ABCA12: variants seen among roughly 807,000 people sequenced by gnomAD.
ABCA12 encodes the protein ATP binding cassette subfamily A member 12.
ABCA12 carries 156 observed loss-of-function variants against 293.5 expected under a neutral mutation model. That is an observed-to-expected ratio of 0.53 (90% CI 0.47 to 0.61). The LOEUF is 0.61. Ranked by LOEUF, ABCA12 falls within the 20% of genes least tolerant of loss-of-function variation. The pLI is 0.00. For synonymous variants in ABCA12, 1,063 were observed against 1,108.0 expected (o/e 0.96, Z 0.81); for missense variants, 2,797 against 3,090.2 (o/e 0.91, Z 2.25).
rs768669024 is a variant in ABCA12, at chr2:214,980,482, CCTT to C, written c.4738_4740del (p.Lys1580del). 3 of 1,613,326 alleles carry C rather than the reference CCTT, an allele frequency of 1.9e-6. No homozygotes were observed. Among genetic ancestry groups the C allele is most frequent in the African/African-American group, 2.7e-5 (2 of 74,896 alleles). ...TGAGATATATTTTCTCCCATTCCTA[CCTT>C]CTTCTTGGTAAGCGTGAGGTGATAC... On this transcript the variant is annotated inframe_deletion and splice_region_variant, in exon 31 of 53. Coordinates refer to ENST00000272895, the MANE Select transcript of ABCA12 (RefSeq NM_173076.3).
chr2:215,136,767 T>C (rs1433455086), intron 1 of ABCA12, among the ~76,000 whole-genome samples: 1 of 152,134 alleles, frequency 6.6e-6, no homozygotes, highest in Non-Finnish European at 1.5e-5. Context: ...ATTAGCACAT[T>C]TGGTACTTCC....
chr2:215,032,803 C>T (rs771252226), intron 8 of ABCA12, among the ~76,000 whole-genome samples: 9 of 152,102 alleles, frequency 5.9e-5, no homozygotes, highest in Admixed American at 2.6e-4. Context: ...TTAACATTGG[C>T]CTAATCATTT....
At chr2:214,975,047 C>T (rs1455814154) in intron 34 of ABCA12, among the ~76,000 whole-genome samples, 183 bp from the exon 35 acceptor site, 1 of 152,174 alleles carries the variant, frequency 6.6e-6, no homozygotes, top group Non-Finnish European at 1.5e-5. Context: ...TCAATGCAAC[C>T]TCAGCCTCCC....
intron 1 of ABCA12, among the ~76,000 whole-genome samples, chr2:215,129,118 G>A (rs1353068730): frequency 6.6e-6 from 1 of 152,152 alleles, no homozygotes; most frequent in African/African-American, 2.4e-5. Flanking sequence ...TAGTACTGTG[G>A]GTTGTCTGCA....
intron 1 of ABCA12, among the ~76,000 whole-genome samples, chr2:215,117,004 A>T (rs538653142): frequency 1.7e-4 from 26 of 152,316 alleles, no homozygotes; most frequent in African/African-American, 5.1e-4. Flanking sequence ...CAACTGGTGA[A>T]CCTTGAGTCT....
At chr2:214,993,258 A>T (rs1273074718) in intron 23 of ABCA12, among the ~76,000 whole-genome samples, 2 of 152,186 alleles carry the variant, frequency 1.3e-5, no homozygotes, top group Non-Finnish European at 2.9e-5. Flanking sequence ...CACCATTTGT[A>T]GTAAAGACTC....
intron 2 of ABCA12, among the ~76,000 whole-genome samples, chr2:215,090,950 C>A (rs1394157985): frequency 6.6e-6 from 1 of 152,158 alleles, no homozygotes. Context: ...GGCCCCAATA[C>A]AAACTCGACA....
At chr2:215,060,416 ATT>A (rs2106068865) in intron 3 of ABCA12, among the ~76,000 whole-genome samples, 1 of 151,990 alleles carries the variant, frequency 6.6e-6, no homozygotes, top group East Asian at 1.9e-4. Flanking sequence ...AATTTTAACC[ATT>A]CTTTTTTCAC....
chr2:215,019,213 A>G lies in ABCA12; in HGVS notation c.1657+123T>C, dbSNP rs1318302487. ...CATATTTGAATGCTTCAGGTTTCTC[A>G]TGTGTAAGGGCAGATAGCAAAGCGA... On this transcript the variant is annotated intron_variant, in intron 13 of 52. Transcript: ENST00000272895. The G allele has an allele frequency of 8.9e-6, 7 of 790,346 alleles. No homozygotes were observed. The Admixed American group carries it at 1.2e-4, about 14-fold the overall frequency. The allele number at this position is 790,346 out of a possible 1,614,324, so 49.0% of individuals were successfully genotyped here. A position where few individuals can be genotyped will look rare whatever the true frequency, so the allele number is the denominator to read the frequency against.
chr2:214,972,787 A>G (rs1161823316), intron 36 of ABCA12, among the ~76,000 whole-genome samples: 1 of 152,122 alleles, frequency 6.6e-6, no homozygotes, highest in Admixed American at 6.6e-5. Flanking sequence ...AAAGAAATAC[A>G]TAAAGAACTT....
intron 2 of ABCA12, among the ~76,000 whole-genome samples, chr2:215,085,214 A>C (rs1471995993): frequency 1.3e-5 from 2 of 152,144 alleles, no homozygotes; most frequent in Non-Finnish European, 2.9e-5. Context: ...CCCAATTCTC[A>C]GTAACAATGA....
At chr2:215,131,736 T>C (rs1430899467) in intron 1 of ABCA12, among the ~76,000 whole-genome samples, 2 of 150,108 alleles carry the variant, frequency 1.3e-5, no homozygotes, top group African/African-American at 2.4e-5. Flanking sequence ...CTGAATCTCC[T>C]TTATTTTTGC....
At chr2:215,072,091 C>T (rs553772021) in intron 2 of ABCA12, among the ~76,000 whole-genome samples, 22 of 152,242 alleles carry the variant, frequency 1.4e-4, no homozygotes, top group Admixed American at 1.2e-3. Flanking sequence ...ATGCCTAATC[C>T]TGAAAGCAGT....
At chr2:215,124,019 G>C (rs747274318) in intron 1 of ABCA12, among the ~76,000 whole-genome samples, 2 of 152,132 alleles carry the variant, frequency 1.3e-5, no homozygotes, top group Non-Finnish European at 2.9e-5. Flanking sequence ...AACATACAAC[G>C]TTTGGTTTTT....
intron 6 of ABCA12, 22 bp from the exon 7 acceptor site, chr2:215,046,037 C>G: frequency 3.1e-6 from 5 of 1,610,538 alleles, no homozygotes; most frequent in Non-Finnish European, 4.2e-6. Context: ...AAACCACAAA[C>G]AGAGCAAAAT....
intron 36 of ABCA12, among the ~76,000 whole-genome samples, chr2:214,970,644 G>A (rs1160049570): frequency 2.6e-5 from 4 of 151,976 alleles, no homozygotes; most frequent in Admixed American, 2.6e-4. Context: ...TTAAAGGCCT[G>A]GAAGAACACA....
At chr2:215,103,636 G>C (rs184413688) in intron 2 of ABCA12, among the ~76,000 whole-genome samples, 174 of 152,054 alleles carry the variant, frequency 1.1e-3, no homozygotes, top group African/African-American at 4.1e-3. Flanking sequence ...CAAGATACTA[G>C]ATTAGCTTCA....
intron 2 of ABCA12, among the ~76,000 whole-genome samples, chr2:215,082,237 G>C (rs1441744620): frequency 1.3e-5 from 2 of 151,730 alleles, no homozygotes; most frequent in Admixed American, 1.3e-4. Flanking sequence ...TAGAGACGGG[G>C]TTTCACCATC....
chr2:215,079,462 C>T (rs765291835), intron 2 of ABCA12, among the ~76,000 whole-genome samples: 1 of 152,120 alleles, frequency 6.6e-6, no homozygotes, highest in African/African-American at 2.4e-5. Flanking sequence ...AGAAATGAAA[C>T]GTGGAAGATA....
Sources: gnomAD v4.1 joint callset for allele counts (sites outside exome capture counted in the v4.1 genomes callset) on GRCh38, gnomAD v4.1.1 for gene constraint, MANE v1.5 for transcripts, NCBI Gene and HGNC (gene_info 2026-07-23, HGNC 2026-07-21) for gene names.